Variants in EIF3L observed in about 807,000 individuals in gnomAD.
EIF3L encodes the protein eIEF associated protein HSPC021.
EIF3L carries 32 observed loss-of-function variants against 74.6 expected under a neutral mutation model. That is an observed-to-expected ratio of 0.43 (90% CI 0.32 to 0.58). The LOEUF (loss-of-function observed/expected upper bound fraction) is 0.58, where lower values mean the gene tolerates loss of function less well. Among genes scored for constraint, EIF3L ranks in the 20% least tolerant of loss-of-function variants. The probability of loss-of-function intolerance (pLI) is 0.06; values close to 1 mark genes in which losing one functional copy is unlikely to be tolerated. For synonymous variants in EIF3L, 256 were observed against 254.4 expected (o/e 1.01, Z -0.06); for missense variants, 474 against 707.8 (o/e 0.67, Z 3.75).
intron 5 of EIF3L, among the ~76,000 whole-genome samples, chr22:37,861,351 G>A (rs1264454968): frequency 1.3e-5 from 2 of 152,006 alleles, no homozygotes; most frequent in Non-Finnish European, 2.9e-5. Flanking sequence ...ATGTTTTTCC[G>A]GCATCCCAGC....
Position 37,878,143 on chromosome 22 carries a change from C to G in EIF3L, c.1547C>G (p.Ala516Gly). 6.2e-7 allele frequency: 1 copy of G among 1,611,630 alleles called. No individual in the cohort carries two copies. Among genetic ancestry groups the G allele is most frequent in the Non-Finnish European group, 8.5e-7 (1 of 1,178,432 alleles). Residue 516 changes from alanine to glycine, a missense_variant, in exon 11 of 13, where the codon GCC becomes GGC. By Grantham distance (60) the Ala-to-Gly change is moderately conservative. This residue lies in a region of EIF3L where 293 missense variants were observed against 469.1 expected (regional missense o/e 0.62). Coordinates refer to ENST00000652021, the MANE Select transcript of EIF3L (RefSeq NM_016091.4). ...ISALDGEFQSASEVDFYIDKD... is the reference protein window; with the variant it reads ...ISALDGEFQSGSEVDFYIDKD... ...GCCCTGGATGGTGAATTTCAGTCAG[C>G]CTCAGAGGTTGACTTCTACATTGAT...
intron 3 of EIF3L, 97 bp downstream of exon 3, chr22:37,851,587 CG>C (rs975238125): frequency 4.8e-5 from 5 of 103,226 alleles, no homozygotes; most frequent in East Asian, 5.5e-4. Flanking sequence ...ACAGTACTTT[CG>C]GGGGGGTTGG....
At position 37,855,578 on chromosome 22, in the gene EIF3L, A is replaced by G. The variant is rs1178274985; in HGVS notation, c.307A>G (p.Thr103Ala). The G allele has an allele frequency of 1.2e-6, 2 of 1,614,062 alleles. No individual in the cohort carries two copies. Among genetic ancestry groups the G allele is most frequent in the Non-Finnish European group, 1.7e-6 (2 of 1,180,022 alleles). The change falls in exon 4 of 13, where the codon ACT (threonine) becomes GCT (alanine). Residue 103 changes from threonine (T) to alanine (A), a missense_variant. Physicochemically the swap from Thr to Ala is moderately conservative, Grantham distance 58. Around this residue, in one of 4 missense-constraint regions of EIF3L, gnomAD observed 141 missense variants for 197.7 expected, o/e 0.71. Transcript: ENST00000652021. ...CTTGATTTTTAGCTGGACCAAGCTGACTGAAAGATTCTTCAAGAATACACC... is the reference window on the plus strand; with the variant it reads ...CTTGATTTTTAGCTGGACCAAGCTGGCTGAAAGATTCTTCAAGAATACACC... ...DIYENSWTKL[T>A]ERFFKNTPWP...
chr22:37,862,870 C>T (rs1202843203), intron 5 of EIF3L, 99 bp from the exon 6 acceptor site: 2 of 853,630 alleles, frequency 2.3e-6, no homozygotes, highest in African/African-American at 1.7e-5. Context: ...GGACAGATAC[C>T]AATTCTCTTG....
At position 37,874,447 on chromosome 22, in the gene EIF3L, C is replaced by A; in HGVS notation, c.829C>A (p.Leu277Ile). 1 of 1,614,152 alleles carries A rather than the reference C, an allele frequency of 6.2e-7. No homozygotes were observed. ...GCTTGGTTACTTCAGCCTGGTCGGG[C>A]TTCTCCGCCTGCACTCCCTGTTAGG... ...KMLGYFSLVG[L>I]LRLHSLLGDY... The change falls in exon 9 of 13, where the codon CTT becomes ATT. Residue 277 changes from leucine (L) to isoleucine (I), a missense_variant. By Grantham distance (5) the Leu-to-Ile change is conservative (BLOSUM62 2). Around this residue, in one of 4 missense-constraint regions of EIF3L, gnomAD observed 293 missense variants for 469.1 expected, o/e 0.62. Coordinates refer to ENST00000652021, the MANE Select transcript of EIF3L (RefSeq NM_016091.4).
intron 5 of EIF3L, among the ~76,000 whole-genome samples, chr22:37,862,293 C>G (rs1569114292): frequency 6.6e-6 from 1 of 152,158 alleles, no homozygotes; most frequent in East Asian, 1.9e-4. Flanking sequence ...GTATGGTTCC[C>G]CAGCTCAGAA....
rs193209968 is a variant in EIF3L, at chr22:37,853,291, A to G, written c.293+1801A>G. On this transcript the variant is annotated intron_variant, in intron 3 of 12. Transcript: ENST00000652021. ...ATTCGACTGAGGGGCACAAGGCAGA[A>G]GAAGAGAGGGAGGCAAGTTTGAGAG... Among the ~76,000 whole-genome samples the G allele has an allele frequency of 4.6e-5, 7 of 152,330 alleles. No individual in the cohort carries two copies. The East Asian group carries it at 1.2e-3, about 25-fold the overall frequency.
chr22:37,854,286 G>GA (rs1925380510), intron 3 of EIF3L, among the ~76,000 whole-genome samples: 2 of 152,240 alleles, frequency 1.3e-5, no homozygotes, highest in East Asian at 1.9e-4. Context: ...GTCCAGATGA[G>GA]AAAAAAAGCC....
At chr22:37,870,815 T>A (rs1474335869) in intron 8 of EIF3L, among the ~76,000 whole-genome samples, 1 of 152,198 alleles carries the variant, frequency 6.6e-6, no homozygotes, top group African/African-American at 2.4e-5. Flanking sequence ...AATGTGTTCT[T>A]TTGTTTGAAG....
intron 7 of EIF3L, among the ~76,000 whole-genome samples, chr22:37,864,308 G>A (rs1334353013): frequency 6.6e-6 from 1 of 152,126 alleles, no homozygotes; most frequent in Non-Finnish European, 1.5e-5. Context: ...TCTTGACTTG[G>A]CCTCCCAAAG....
chr22:37,875,700 A>G (rs1926708730), intron 9 of EIF3L, 141 bp from the exon 10 acceptor site: 1 of 680,844 alleles, frequency 1.5e-6, no homozygotes, highest in Non-Finnish European at 2.4e-6. Context: ...GAATAGGAAG[A>G]TCCGCTCTCA....
chr22:37,874,849 C>T (rs896423779), intron 9 of EIF3L, among the ~76,000 whole-genome samples: 1 of 151,238 alleles, frequency 6.6e-6, no homozygotes, highest in Non-Finnish European at 1.5e-5. Flanking sequence ...CTGCCTCAGC[C>T]TCCTGAGTAG....
chr22:37,858,711 T>C lies in EIF3L; in HGVS notation c.406T>C (p.Tyr136His). Residue 136 changes from tyrosine to histidine, a missense_variant, in exon 5 of 13, where the codon TAC (tyrosine) becomes CAC (histidine). Physicochemically the swap from Tyr to His is moderately conservative, Grantham distance 83. This residue lies in a region of EIF3L where 141 missense variants were observed against 197.7 expected (regional missense o/e 0.71). Coordinates refer to ENST00000652021, the MANE Select transcript of EIF3L (RefSeq NM_016091.4). ...CTTCCTGATTTTATACAAAGAATTA[T>C]ACTACAGGCACATATATGCCAAAGT... ...AVFLILYKEL[Y>H]YRHIYAKVSG... 6.2e-7 allele frequency: 1 copy of C among 1,610,438 alleles called. No individual in the cohort carries two copies. The highest frequency in any genetic ancestry group is 8.5e-7 in the Non-Finnish European group (1 of 1,179,012).
chr22:37,870,905 G>A (rs1055850328), intron 8 of EIF3L, among the ~76,000 whole-genome samples: 21 of 152,008 alleles, frequency 1.4e-4, no homozygotes, highest in Non-Finnish European at 1.5e-4. Context: ...CAGAAGGATC[G>A]CTTGAGTCCA....
chr22:37,857,649 A>G (rs1008946029), intron 4 of EIF3L, among the ~76,000 whole-genome samples: 5 of 151,644 alleles, frequency 3.3e-5, no homozygotes, highest in African/African-American at 4.8e-5. Flanking sequence ...GGCTCAAGCA[A>G]TTCTCCTGCC....
At chr22:37,864,242 C>T (rs534172147) in intron 7 of EIF3L, among the ~76,000 whole-genome samples, 2 of 152,202 alleles carry the variant, frequency 1.3e-5, no homozygotes, top group African/African-American at 4.8e-5. Context: ...ACTGTAGAGA[C>T]GAGGGTCTTG....
intron 4 of EIF3L, 71 bp downstream of exon 4, chr22:37,855,715 A>C: frequency 4.2e-4 from 562 of 1,333,116 alleles, no homozygotes; most frequent in Non-Finnish European, 5.4e-4. Flanking sequence ...CAGGAAGCTC[A>C]AGAGGGTCTG....
chr22:37,858,448 G>A (rs1003007225), intron 4 of EIF3L: 10 of 522,804 alleles, frequency 1.9e-5, no homozygotes, highest in Non-Finnish European at 3.3e-5. Context: ...TCTAAATGGT[G>A]AAAGGAAATA....
chr22:37,888,572 TAAC>T lies in EIF3L; in HGVS notation c.*111_*113del, dbSNP rs1927441564. ...TCAGCCATCAGCCTGTCAACTCAGT[TAAC>T]AAGTTAAGGACCGAAGTGTTTCAAG... On this transcript the variant is annotated 3_prime_UTR_variant, in exon 13 of 13. Coordinates refer to ENST00000652021, the MANE Select transcript of EIF3L (RefSeq NM_016091.4). The T allele has an allele frequency of 1.7e-6, 2 of 1,187,880 alleles. No homozygotes were observed. Among genetic ancestry groups the T allele is most frequent in the Non-Finnish European group, 2.5e-6 (2 of 806,408 alleles). 73.6% of individuals were successfully genotyped at this position (1,187,880 alleles called of 1,614,324 possible).
Sources: gnomAD v4.1 joint callset for allele counts (sites outside exome capture counted in the v4.1 genomes callset) on GRCh38, gnomAD v4.1.1 for gene constraint, gnomAD v4.1.1 regional missense constraint, MANE v1.5 for transcripts, NCBI Gene and HGNC (gene_info 2026-07-23, HGNC 2026-07-21) for gene names.